CSMD1: variants seen among roughly 807,000 people sequenced by gnomAD.
CSMD1 encodes the protein CUB and Sushi multiple domains 1.
Under a neutral mutation model 417.5 loss-of-function variants are expected in CSMD1, and 213 were observed. The observed-to-expected ratio is 0.51, with a 90% CI of 0.46 to 0.57. The LOEUF (loss-of-function observed/expected upper bound fraction) is 0.57. CSMD1 is among the 20% of genes least tolerant of loss of function. CSMD1 has a pLI of 0.00. For missense variants in CSMD1, 6,923 were observed against 4,529.7 expected, an observed-to-expected ratio of 1.53 and a Z score of -15.17; for synonymous variants, 2,862 against 1,736.8, an observed-to-expected ratio of 1.65 and a Z score of -16.11.
chr8:3,812,965 C>G (rs1210052608), intron 5 of CSMD1, among the ~76,000 whole-genome samples: 3 of 152,016 alleles, frequency 2.0e-5, no homozygotes, highest in Admixed American at 6.6e-5. Context: ...AGGGAACAGG[C>G]AGTGCAATTT....
At chr8:3,441,151 G>T (rs971212795) in intron 12 of CSMD1, among the ~76,000 whole-genome samples, 3 of 152,086 alleles carry the variant, frequency 2.0e-5, no homozygotes, top group Admixed American at 2.0e-4. Flanking sequence ...AGGAGCATAG[G>T]AGACACTGTA....
chr8:3,737,565 T>A (rs1302390017), intron 6 of CSMD1, among the ~76,000 whole-genome samples: 3 of 152,186 alleles, frequency 2.0e-5, no homozygotes, highest in African/African-American at 7.2e-5. Flanking sequence ...CAGAGTAGCA[T>A]ATATCCTCCT....
chr8:3,763,781 C>A (rs574140620), intron 5 of CSMD1, among the ~76,000 whole-genome samples: 1 of 152,126 alleles, frequency 6.6e-6, no homozygotes, highest in Non-Finnish European at 1.5e-5. Context: ...ATGACCAGGG[C>A]TCCATATTCT....
intron 18 of CSMD1, among the ~76,000 whole-genome samples, 164 bp from the exon 19 acceptor site, chr8:3,369,534 C>A (rs1245780601): frequency 6.6e-6 from 1 of 152,164 alleles, no homozygotes; most frequent in African/African-American, 2.4e-5. Flanking sequence ...TTGCAAATAT[C>A]ATATGCTAGT....
chr8:4,017,835 G>A (rs1308255486), intron 4 of CSMD1, among the ~76,000 whole-genome samples: 3 of 152,046 alleles, frequency 2.0e-5, no homozygotes, highest in African/African-American at 2.4e-5. Context: ...CAGCTGTTTG[G>A]GTGACTGTAT....
At chr8:4,873,773 TAGC>T (rs1802875236) in intron 1 of CSMD1, among the ~76,000 whole-genome samples, 1 of 152,148 alleles carries the variant, frequency 6.6e-6, no homozygotes, top group South Asian at 2.1e-4. Flanking sequence ...TTATAGAAAG[TAGC>T]ACTGTGTTTG....
intron 23 of CSMD1, among the ~76,000 whole-genome samples, chr8:3,335,559 C>G (rs1030613303): frequency 6.6e-6 from 1 of 152,120 alleles, no homozygotes; most frequent in Non-Finnish European, 1.5e-5. Context: ...TACCTGTAAT[C>G]CCAGCTACTA....
intron 1 of CSMD1, among the ~76,000 whole-genome samples, chr8:4,770,814 G>T (rs1189807578): frequency 1.3e-5 from 2 of 151,976 alleles, no homozygotes; most frequent in African/African-American, 4.8e-5. Flanking sequence ...AACTCAAAAT[G>T]AATAAAAATC....
intron 3 of CSMD1, among the ~76,000 whole-genome samples, chr8:4,277,087 G>T (rs116094758): frequency 1.6e-4 from 24 of 152,124 alleles, no homozygotes; most frequent in African/African-American, 5.5e-4. Context: ...TTATAAAATT[G>T]CATGTAACTT....
At chr8:4,163,427 T>A (rs1223752519) in intron 3 of CSMD1, among the ~76,000 whole-genome samples, 1 of 152,218 alleles carries the variant, frequency 6.6e-6, no homozygotes. Context: ...TTGGCCAATT[T>A]CTTTTTTCTT....
chr8:3,999,193 T>C (rs372592085), intron 4 of CSMD1, among the ~76,000 whole-genome samples: 1 of 151,964 alleles, frequency 6.6e-6, no homozygotes, highest in Non-Finnish European at 1.5e-5. Context: ...ATACTTCCTA[T>C]CCATAATATA....
chr8:3,795,494 C>G (rs1490857727), intron 5 of CSMD1, among the ~76,000 whole-genome samples: 11 of 2,238 alleles, frequency 4.9e-3, no homozygotes, highest in Non-Finnish European at 8.2e-3. Flanking sequence ...ATATATCTAT[C>G]ATAGATATAG....
At position 4,493,854 on chromosome 8, in the gene CSMD1, C is replaced by G. The variant is rs147172846; in HGVS notation, c.303-73789G>C. On this transcript the variant is annotated intron_variant, in intron 2 of 69. Coordinates refer to ENST00000635120, the MANE Select transcript of CSMD1 (RefSeq NM_033225.6). Reference sequence around the variant, plus strand: ...AGCAGGACACAGTTTTTATTTAGTTCCAGCCATGACTGACCTCATATAAAG... The same window carrying G: ...AGCAGGACACAGTTTTTATTTAGTTGCAGCCATGACTGACCTCATATAAAG... Among the ~76,000 whole-genome samples, 862 of 152,260 alleles carry G rather than the reference C, an allele frequency of 5.7e-3. 8 individuals are homozygous for G. The highest frequency in any genetic ancestry group is 0.019 in the African/African-American group (804 of 41,554).
At chr8:3,425,587 C>CA (rs5888966) in intron 12 of CSMD1, among the ~76,000 whole-genome samples, 46,255 of 97,128 alleles carry the variant, frequency 0.48, 9,937 homozygotes, top group Middle Eastern at 0.53. Flanking sequence ...GATTCGGTCT[C>CA]AAAAAAAAAA....
At chr8:4,694,271 C>A (rs1037800486) in intron 1 of CSMD1, among the ~76,000 whole-genome samples, 1 of 151,896 alleles carries the variant, frequency 6.6e-6, no homozygotes, top group African/African-American at 2.4e-5. Flanking sequence ...TCCTATCTAC[C>A]TATGACATGG....
chr8:3,070,006 C>T (rs190577270), intron 49 of CSMD1, among the ~76,000 whole-genome samples: 147 of 152,324 alleles, frequency 9.7e-4, no homozygotes, highest in African/African-American at 3.3e-3. Flanking sequence ...CCCTTCGGAA[C>T]GGGGTCTGAG....
chr8:4,683,028 C>G (rs1584940478), intron 1 of CSMD1, among the ~76,000 whole-genome samples: 1 of 139,936 alleles, frequency 7.1e-6, no homozygotes, highest in African/African-American at 2.6e-5. Context: ...TATCTCACTT[C>G]TTGTGAAATA....
chr8:4,370,343 C>A (rs2128912517), intron 3 of CSMD1, among the ~76,000 whole-genome samples: 1 of 152,174 alleles, frequency 6.6e-6, no homozygotes, highest in Middle Eastern at 3.4e-3. Context: ...TTGTAAGTGA[C>A]CTGCTCCTTC....
intron 1 of CSMD1, among the ~76,000 whole-genome samples, chr8:4,915,522 C>A (rs1205594722): frequency 6.6e-6 from 1 of 152,148 alleles, no homozygotes; most frequent in East Asian, 1.9e-4. Context: ...AAAAGCAGGC[C>A]TGGCAGGAGC....
Sources: gnomAD v4.1 joint callset for allele counts (sites outside exome capture counted in the v4.1 genomes callset) on GRCh38, gnomAD v4.1.1 for gene constraint, MANE v1.5 for transcripts, NCBI Gene and HGNC (gene_info 2026-07-23, HGNC 2026-07-21) for gene names.